Variants in MAST3 observed in about 807,000 individuals in gnomAD.
The protein encoded by MAST3 is microtubule associated serine/threonine kinase 3.
In MAST3, 43 loss-of-function variants were observed where a neutral mutation model predicts 127.0. The observed-to-expected ratio is 0.34, with a 90% CI of 0.27 to 0.44. The LOEUF (loss-of-function observed/expected upper bound fraction) is 0.44, where lower values mean the gene tolerates loss of function less well. Among genes scored for constraint, MAST3 ranks in the 20% least tolerant of loss-of-function variants. The pLI is 1.00. For missense variants in MAST3, 1,390 were observed against 1,919.1 expected (o/e 0.72, Z 5.15); for synonymous variants, 785 against 809.2 (o/e 0.97, Z 0.51).
chr19:18,120,467 G>A (rs2039831027), intron 3 of MAST3, among the ~76,000 whole-genome samples: 2 of 152,180 alleles, frequency 1.3e-5, no homozygotes, highest in Admixed American at 6.5e-5. Flanking sequence ...CATATGTAGT[G>A]TCCTCCATCA....
chr19:18,102,674 G>C (rs962000875), intron 1 of MAST3, among the ~76,000 whole-genome samples: 6 of 152,066 alleles, frequency 3.9e-5, no homozygotes, highest in African/African-American at 4.8e-5. Flanking sequence ...TAGAGACGGG[G>C]TTTCACTATG....
chr19:18,107,566 C>T, intron 1 of MAST3, 21 bp from the exon 2 acceptor site: 1 of 1,613,168 alleles, frequency 6.2e-7, no homozygotes, highest in Non-Finnish European at 8.5e-7. Context: ...GAGAATGATC[C>T]CCATTTCTGT....
chr19:18,128,911 G>A lies in MAST3; in HGVS notation c.1183G>A (p.Asp395Asn), dbSNP rs762914011. 5.6e-6 allele frequency: 9 copies of A among 1,613,818 alleles called. No homozygotes were observed. Among genetic ancestry groups the A allele is most frequent in the East Asian group, 2.2e-5 (1 of 44,890 alleles). ...GTCACGGAGGAAGCCATGCGAAAGC[G>A]ACTTTGAGACCATCAAACTCATTAG... ...GQSRRKPCES[D>N]FETIKLISNG... The change falls in exon 13 of 28, where the codon GAC becomes AAC. Residue 395 changes from aspartate to asparagine, a missense_variant. Asp to Asn is a conservative substitution (Grantham distance 23, BLOSUM62 1). Transcript: ENST00000687212.
intron 17 of MAST3, 103 bp from the exon 18 acceptor site, chr19:18,135,637 G>A: frequency 1.1e-6 from 1 of 871,484 alleles, no homozygotes; most frequent in East Asian, 2.7e-5. Context: ...GGAGGCCAGT[G>A]GCTTGGAGTA....
At chr19:18,100,889 G>A (rs890177986) in intron 1 of MAST3, among the ~76,000 whole-genome samples, 2 of 152,188 alleles carry the variant, frequency 1.3e-5, no homozygotes, top group African/African-American at 4.8e-5. Context: ...GTGCTGACCG[G>A]CCAATCCAGA....
In MAST3 at chr19:18,128,522, G is replaced by A. The variant is rs756572225; in HGVS notation, c.1137+64G>A. The A allele has an allele frequency of 3.4e-5, 50 of 1,476,506 alleles. No homozygotes were observed. The East Asian group carries it at 1.0e-3, about 31-fold the overall frequency. The allele number at this position is 1,476,506 out of a possible 1,614,324, so 91.5% of individuals were successfully genotyped here. On this transcript the variant is annotated intron_variant, in intron 12 of 27. Coordinates refer to ENST00000687212, the MANE Select transcript of MAST3 (RefSeq NM_001393504.1). ...TCTTTCCAGAGTGGACCAGGCACCC[G>A]CAGAAAGGGCTGGGTTTGCCGAGGT...
At position 18,128,434 on chromosome 19, in the gene MAST3, GC is replaced by G; in HGVS notation, c.1118del (p.Pro373GlnfsTer60). ...CACTGAGTCACCTCGAAGAAGAACA[GC>G]CCCCAGCACCTGAGTCCCCAGAGGT... The part of the protein sequence containing the change: ...VPLSHLEEEQ[P>X]PAPESPESRA... On this transcript the variant is annotated frameshift_variant, in exon 12 of 28. Coordinates refer to ENST00000687212, the MANE Select transcript of MAST3 (RefSeq NM_001393504.1). LOFTEE classifies it high-confidence loss of function. 6.4e-7 allele frequency: 1 copy of G among 1,557,266 alleles called. No individual in the cohort carries two copies. The highest frequency in any genetic ancestry group is 8.7e-7 in the Non-Finnish European group (1 of 1,150,610).
chr19:18,131,896 G>C lies in MAST3; in HGVS notation c.1433-13G>C, dbSNP rs1237713553. 1 of 1,564,142 alleles carries C rather than the reference G, an allele frequency of 6.4e-7. No individual in the cohort carries two copies. ...TGCCCCGGGCCTCATGACTACATCCGCCCTTCTCCCAGGCGGCGACTGCGC... is the reference window on the plus strand; with the variant it reads ...TGCCCCGGGCCTCATGACTACATCCCCCCTTCTCCCAGGCGGCGACTGCGC... On this transcript the variant is annotated splice_polypyrimidine_tract_variant and intron_variant, in intron 14 of 27. Transcript: ENST00000687212.
Position 18,123,595 on chromosome 19 carries a change from G to C in MAST3, c.573G>C (p.Thr191=). ...RSRSLSPGRA[T]GTFDNEIVMM... ...TTCCTTTCAGCCCGGGCCGTGCAAC[G>C]GGGACCTTCGACAATGAGATTGTCA... is the stretch of plus-strand genomic sequence containing the variant. The change falls in exon 8 of 28, where the codon ACG becomes ACC. Residue 191 remains threonine (T), a synonymous_variant. Coordinates refer to ENST00000687212, the MANE Select transcript of MAST3 (RefSeq NM_001393504.1). The C allele has an allele frequency of 6.3e-7, 1 of 1,589,034 alleles. No individual in the cohort carries two copies. The highest frequency in any genetic ancestry group is 1.2e-5 in the South Asian group (1 of 86,466).
chr19:18,133,682 T>A (rs1200880550), intron 15 of MAST3, among the ~76,000 whole-genome samples: 4 of 150,808 alleles, frequency 2.7e-5, no homozygotes, highest in African/African-American at 9.8e-5. Flanking sequence ...GCCTTCCAAT[T>A]AGCTGGGATT....
chr19:18,149,619 G>A lies in MAST3; in HGVS notation c.3937G>A (p.Asp1313Asn), dbSNP rs1330753491. 4 of 1,613,072 alleles carry A rather than the reference G, an allele frequency of 2.5e-6. No individual in the cohort carries two copies. The highest frequency in any genetic ancestry group is 1.7e-6 in the Non-Finnish European group (2 of 1,179,812). ...GGAGGCCGTGCAGGAGGTTAGCTTC[G>A]ATGAGCCGCAGGAGGAGGCCACTGG... ...KQEAVQEVSF[D>N]EPQEEATGLP... The change falls in exon 28 of 28, where the codon GAT (aspartate) becomes AAT (asparagine). Residue 1313 changes from aspartate (D) to asparagine (N), a missense_variant. By Grantham distance (23) the Asp-to-Asn change is conservative. Coordinates refer to ENST00000687212, the MANE Select transcript of MAST3 (RefSeq NM_001393504.1). This position sits in a 1 kb window ranked among gnomAD's most constrained non-coding sequence, Gnocchi z 5.9.
intron 2 of MAST3, among the ~76,000 whole-genome samples, chr19:18,109,768 T>C (rs1451256181): frequency 5.3e-5 from 8 of 152,072 alleles, no homozygotes; most frequent in African/African-American, 1.9e-4. Flanking sequence ...TCAGAGCCTC[T>C]AGTGTGCGCG....
rs1207993438 is a variant in MAST3 at position 18,123,965 on chromosome 19, G to C, written c.660G>C (p.Leu220=). 1.3e-6 allele frequency: 2 copies of C among 1,576,482 alleles called. No homozygotes were observed. The highest frequency in any genetic ancestry group is 1.2e-5 in the South Asian group (1 of 86,676). The change falls in exon 9 of 28, where the codon CTG becomes CTC. Residue 220 remains leucine (L), a synonymous_variant. Coordinates refer to ENST00000687212, the MANE Select transcript of MAST3 (RefSeq NM_001393504.1). ...CCACAGCACAGATGGAGGGCCGTCT[G>C]CAGGAGTTCCTGACGGCCTACGCGC... ...PKATAQMEGR[L]QEFLTAYAPG... is the part of the protein sequence containing the mutation.
chr19:18,120,718 T>C (rs1156369947), intron 3 of MAST3, among the ~76,000 whole-genome samples: 1 of 144,864 alleles, frequency 6.9e-6, no homozygotes, highest in Non-Finnish European at 1.5e-5. Context: ...GGTTTTTTTG[T>C]TTTGTTTTGT....
chr19:18,097,882 C>A, intron 1 of MAST3, 51 bp downstream of exon 1: 3 of 1,214,058 alleles, frequency 2.5e-6, no homozygotes, highest in Non-Finnish European at 3.1e-6. Flanking sequence ...GCCAAGTGGA[C>A]GCGGCCTGAA....
In MAST3 at chr19:18,142,585, C is replaced by T. The variant is rs985170296; in HGVS notation, c.2339+570C>T. ...CAGGATGGTCTCGGTCTCCTGACCT[C>T]GTGATCCGCCCTCCTCAACCTCCCA... is the stretch of plus-strand genomic sequence containing the variant. On this transcript the variant is annotated intron_variant, in intron 21 of 27. Coordinates refer to ENST00000687212, the MANE Select transcript of MAST3 (RefSeq NM_001393504.1). Among the ~76,000 whole-genome samples the T allele has an allele frequency of 9.2e-5, 14 of 151,528 alleles. No individual in the cohort carries two copies. The East Asian group carries it at 1.6e-3, about 17-fold the overall frequency.
intron 3 of MAST3, among the ~76,000 whole-genome samples, chr19:18,118,578 G>A (rs1238167445): frequency 6.6e-6 from 1 of 152,192 alleles, no homozygotes; most frequent in Non-Finnish European, 1.5e-5. Flanking sequence ...TGGAAAAACT[G>A]AGGCTGATCT....
At chr19:18,141,852 G>T in intron 20 of MAST3, 30 bp from the exon 21 acceptor site, 6 of 1,376,624 alleles carry the variant, frequency 4.4e-6, no homozygotes, top group Non-Finnish European at 5.7e-6. Context: ...CACCGCACCC[G>T]GCTTACCATT....
chr19:18,120,973 G>A (rs979650535), intron 3 of MAST3, among the ~76,000 whole-genome samples: 2 of 152,008 alleles, frequency 1.3e-5, no homozygotes, highest in African/African-American at 4.8e-5. Flanking sequence ...TACCCACCTC[G>A]GCCTCCCAAA....
Sources: gnomAD v4.1 joint callset for allele counts (sites outside exome capture counted in the v4.1 genomes callset) on GRCh38, gnomAD v4.1.1 for gene constraint, Gnocchi (gnomAD v3.1) non-coding constraint, MANE v1.5 for transcripts, NCBI Gene and HGNC (gene_info 2026-07-23, HGNC 2026-07-21) for gene names.